Variants in TTC21B observed in about 807,000 individuals in gnomAD.
TTC21B encodes tetratricopeptide repeat domain 21B.
A neutral mutation model predicts 175.1 loss-of-function variants in TTC21B; 127 were observed. The observed-to-expected ratio is 0.73, with a 90% CI of 0.63 to 0.84. The LOEUF is 0.84. TTC21B is among the 40% of genes least tolerant of loss of function. The pLI, the probability that TTC21B is intolerant of heterozygous loss-of-function variation, is 0.00. For synonymous variants in TTC21B, 524 were observed against 524.5 expected, an observed-to-expected ratio of 1.00 and a Z score of 0.01; for missense variants, 1,561 against 1,558.3, an observed-to-expected ratio of 1.00 and a Z score of -0.03.
intron 8 of TTC21B, 80 bp from the exon 9 acceptor site, chr2:165,930,444 A>G (rs1011442095): frequency 3.7e-6 from 4 of 1,070,164 alleles, no homozygotes; most frequent in Non-Finnish European, 5.3e-6. Flanking sequence ...TTCTAAATAT[A>G]TATATTATTT....
At chr2:165,913,405 A>C (rs566869851) in intron 16 of TTC21B, among the ~76,000 whole-genome samples, 169 bp downstream of exon 16, 1 of 152,306 alleles carries the variant, frequency 6.6e-6, no homozygotes, top group Non-Finnish European at 1.5e-5. Flanking sequence ...AAAAATTGAT[A>C]TCTCCCTTTT....
intron 24 of TTC21B, among the ~76,000 whole-genome samples, chr2:165,889,711 G>A (rs1388575377): frequency 6.6e-6 from 1 of 152,020 alleles, no homozygotes; most frequent in Non-Finnish European, 1.5e-5. Context: ...GCTCCTCCAT[G>A]CATCTTCTCC....
At chr2:165,904,378 A>G (rs1685660107) in intron 19 of TTC21B, among the ~76,000 whole-genome samples, 1 of 152,252 alleles carries the variant, frequency 6.6e-6, no homozygotes, top group African/African-American at 2.4e-5. Context: ...ATCCAAGCTC[A>G]ATTCATTCAC....
chr2:165,898,337 T>C (rs942294509), intron 22 of TTC21B, among the ~76,000 whole-genome samples: 1 of 152,114 alleles, frequency 6.6e-6, no homozygotes, highest in Non-Finnish European at 1.5e-5. Flanking sequence ...ACAAATATTC[T>C]CTTAGTGAAG....
rs1189801816 is a variant in TTC21B, at chr2:165,927,093, G to GAT, written c.1386+2040_1386+2041dup. 2.2e-3 allele frequency among the ~76,000 whole-genome samples: 20 copies of GAT among 8,942 alleles called. 4 individuals are homozygous for GAT. Among genetic ancestry groups the GAT allele is most frequent in the African/African-American group, 0.015 (19 of 1,298 alleles). 5.9% of individuals were successfully genotyped at this position (8,942 alleles called of 152,430 possible). A position where few individuals can be genotyped will look rare whatever the true frequency, so the allele number is the denominator to read the frequency against. On this transcript the variant is annotated intron_variant, in intron 11 of 28. Transcript: ENST00000243344. ...ATATATATATATATATATCCTAGTA[G>GAT]ATATATATATATATATATCCTAGTA...
intron 26 of TTC21B, 102 bp downstream of exon 26, chr2:165,883,692 T>C: frequency 1.0e-6 from 1 of 952,398 alleles, no homozygotes; most frequent in African/African-American, 1.6e-5. Flanking sequence ...TTTTCAAAAA[T>C]CACACAGGAA....
rs781708463 is a variant in TTC21B at position 165,915,201 on chromosome 2, C to A, written c.2138G>T (p.Arg713Ile). Residue 713 changes from arginine (R) to isoleucine (I), a missense_variant and splice_region_variant, in exon 15 of 29, where the codon AGA becomes ATA. Transcript: ENST00000243344. ...KDKMLYITCF[R>I]EIAERMANPR... is the part of the protein sequence containing the mutation. ...ATAATGGGTTAAGACAATTACTTAC[C>A]TAAAACAAGTGATATATAACATTTT... 26 of 1,608,208 alleles carry A rather than the reference C, an allele frequency of 1.6e-5. No homozygotes were observed. The highest frequency in any genetic ancestry group is 2.0e-5 in the Non-Finnish European group (24 of 1,174,910).
intron 19 of TTC21B, among the ~76,000 whole-genome samples, chr2:165,902,722 G>A (rs1343736284): frequency 6.6e-6 from 1 of 152,166 alleles, no homozygotes; most frequent in Non-Finnish European, 1.5e-5. Flanking sequence ...ATCTGTTCAT[G>A]TTTTTGCATA....
At chr2:165,923,394 T>C (rs1207149263) in intron 12 of TTC21B, among the ~76,000 whole-genome samples, 4 of 151,988 alleles carry the variant, frequency 2.6e-5, no homozygotes, top group Non-Finnish European at 4.4e-5. Flanking sequence ...TTTACTTTTA[T>C]AGCATTCAGT....
At chr2:165,885,953 T>C (rs922413238) in intron 25 of TTC21B, among the ~76,000 whole-genome samples, 3 of 152,348 alleles carry the variant, frequency 2.0e-5, no homozygotes, top group South Asian at 4.1e-4. Context: ...CTCATCTTTA[T>C]GGTTCAAGGT....
chr2:165,891,116 C>A (rs537417649), intron 22 of TTC21B, 128 bp from the exon 23 acceptor site: 23 of 837,192 alleles, frequency 2.7e-5, no homozygotes, highest in Non-Finnish European at 4.1e-5. Flanking sequence ...TAAAAAATGC[C>A]TCAGGGTATA....
At chr2:165,895,951 C>A (rs370118465) in intron 22 of TTC21B, among the ~76,000 whole-genome samples, 5 of 151,710 alleles carry the variant, frequency 3.3e-5, no homozygotes, top group South Asian at 4.2e-4. Flanking sequence ...ACCATATTTT[C>A]TCCTTTCAAT....
intron 1 of TTC21B, among the ~76,000 whole-genome samples, chr2:165,953,434 G>A (rs895306333): frequency 6.6e-6 from 1 of 152,218 alleles, no homozygotes; most frequent in East Asian, 1.9e-4. Flanking sequence ...ACAACCAACA[G>A]CATGGGGACC....
intron 12 of TTC21B, among the ~76,000 whole-genome samples, chr2:165,923,744 T>TTTG: frequency 2.6e-5 from 1 of 38,714 alleles, no homozygotes; most frequent in South Asian, 7.5e-4. Flanking sequence ...GCCCAGCTGG[T>TTTG]TTTTTTTTTT....
At chr2:165,949,762 C>T (rs1447248031) in intron 1 of TTC21B, 38 bp from the exon 2 acceptor site, 2 of 1,582,450 alleles carry the variant, frequency 1.3e-6, no homozygotes, top group Admixed American at 1.7e-5. Context: ...TAAAGGAATT[C>T]TGGTGCTCTG....
intron 1 of TTC21B, 39 bp downstream of exon 1, chr2:165,953,646 C>CCGGGCGGGGGGGGGG: frequency 6.8e-7 from 1 of 1,469,372 alleles, no homozygotes; most frequent in Non-Finnish European, 9.2e-7. Flanking sequence ...GAACTCCGCC[C>CCGGGCGGGGGGGGGG]GCCCGCCCGC....
chr2:165,884,001 C>G lies in TTC21B; in HGVS notation c.3477G>C (p.Ala1159=). 2 of 1,613,968 alleles carry G rather than the reference C, an allele frequency of 1.2e-6. No individual in the cohort carries two copies. Among genetic ancestry groups the G allele is most frequent in the Non-Finnish European group, 1.7e-6 (2 of 1,179,940 alleles). Residue 1159 remains alanine (A), a synonymous_variant, in exon 26 of 29, where the codon GCG becomes GCC. Coordinates refer to ENST00000243344, the MANE Select transcript of TTC21B (RefSeq NM_024753.5). ...IAASEKEHIP[A]LLGMATAYMI... Reference sequence around the variant, plus strand: ...TATAAGCCGTTGCCATTCCCAAGAGCGCTGGGATATGCTCCTTCTATAAGA... The same window carrying G: ...TATAAGCCGTTGCCATTCCCAAGAGGGCTGGGATATGCTCCTTCTATAAGA...
At chr2:165,926,004 T>C (rs1686614227) in intron 11 of TTC21B, among the ~76,000 whole-genome samples, 1 of 152,210 alleles carries the variant, frequency 6.6e-6, no homozygotes, top group African/African-American at 2.4e-5. Flanking sequence ...AAAATAGTTA[T>C]GCAGACAATC....
At chr2:165,893,139 T>C (rs1685250874) in intron 22 of TTC21B, among the ~76,000 whole-genome samples, 1 of 152,188 alleles carries the variant, frequency 6.6e-6, no homozygotes, top group Non-Finnish European at 1.5e-5. Context: ...ACTCAAATTC[T>C]TTGAGTCCAA....
Sources: gnomAD v4.1 joint callset for allele counts (sites outside exome capture counted in the v4.1 genomes callset) on GRCh38, gnomAD v4.1.1 for gene constraint, MANE v1.5 for transcripts, NCBI Gene and HGNC (gene_info 2026-07-23, HGNC 2026-07-21) for gene names.